Variants in CNTN4 observed in about 807,000 individuals in gnomAD.
The protein encoded by CNTN4 is contactin-4.
Under a neutral mutation model 122.5 loss-of-function variants are expected in CNTN4, and 77 were observed. That is an observed-to-expected ratio of 0.63 (90% CI 0.52 to 0.76). CNTN4 has a LOEUF of 0.76. Among genes scored for constraint, CNTN4 ranks in the 30% least tolerant of loss-of-function variants. The probability of loss-of-function intolerance (pLI) is 0.00; values close to 1 mark genes in which losing one functional copy is unlikely to be tolerated. For synonymous variants in CNTN4, 512 were observed against 447.0 expected, an observed-to-expected ratio of 1.15 and a Z score of -1.83; for missense variants, 1,256 against 1,259.1, an observed-to-expected ratio of 1.00 and a Z score of 0.04.
intron 7 of CNTN4, among the ~76,000 whole-genome samples, chr3:2,847,829 T>C (rs9840900): frequency 0.017 from 2,522 of 152,308 alleles, 70 homozygotes; most frequent in African/African-American, 0.057. Flanking sequence ...AATGCCAGTC[T>C]GTGCCAGTCT....
intron 6 of CNTN4, among the ~76,000 whole-genome samples, chr3:2,780,478 A>G (rs2091525924): frequency 6.6e-6 from 1 of 152,230 alleles, no homozygotes; most frequent in Non-Finnish European, 1.5e-5. Flanking sequence ...ACATAAGAAT[A>G]AAAGACTATA....
intron 4 of CNTN4, among the ~76,000 whole-genome samples, chr3:2,663,192 T>C (rs1292862667): frequency 1.3e-5 from 2 of 152,170 alleles, no homozygotes; most frequent in Admixed American, 1.3e-4. Flanking sequence ...ACTTTTTCAA[T>C]GATGGCGATT....
chr3:2,758,842 A>G (rs2090458877), intron 6 of CNTN4, among the ~76,000 whole-genome samples: 1 of 152,064 alleles, frequency 6.6e-6, no homozygotes, highest in Non-Finnish European at 1.5e-5. Context: ...CATCTTTGTT[A>G]AGATACCATA....
chr3:2,951,988 A>T (rs766725258), intron 13 of CNTN4, among the ~76,000 whole-genome samples: 3 of 152,214 alleles, frequency 2.0e-5, no homozygotes, highest in Non-Finnish European at 4.4e-5. Flanking sequence ...GGTGATTCCC[A>T]ACTCTATACC....
chr3:2,537,989 T>C (rs1443883249), intron 3 of CNTN4, among the ~76,000 whole-genome samples: 1 of 151,916 alleles, frequency 6.6e-6, no homozygotes, highest in Non-Finnish European at 1.5e-5. Context: ...TTTGAAGGCA[T>C]AACCCCCCTG....
intron 4 of CNTN4, among the ~76,000 whole-genome samples, chr3:2,707,614 A>G (rs1463321794): frequency 2.0e-5 from 3 of 150,604 alleles, no homozygotes; most frequent in Non-Finnish European, 4.4e-5. Flanking sequence ...ACTTAATTAA[A>G]TATTGTTTGA....
chr3:2,866,654 A>G, intron 7 of CNTN4, 98 bp from the exon 8 acceptor site: 1 of 1,282,004 alleles, frequency 7.8e-7, no homozygotes, highest in Non-Finnish European at 1.1e-6. Context: ...TCATTGGACA[A>G]CAATGTATAC....
intron 6 of CNTN4, among the ~76,000 whole-genome samples, chr3:2,770,031 G>GT (rs1204030725): frequency 1.5e-4 from 21 of 138,900 alleles, no homozygotes; most frequent in African/African-American, 4.9e-4. Context: ...TTGTTTGTTT[G>GT]TTTGTTTTTT....
intron 2 of CNTN4, among the ~76,000 whole-genome samples, chr3:2,307,451 A>T (rs1395575653): frequency 6.8e-6 from 1 of 147,494 alleles, no homozygotes; most frequent in Non-Finnish European, 1.5e-5. Flanking sequence ...AAAAAAAAAA[A>T]TAGCAAGACA....
intron 2 of CNTN4, among the ~76,000 whole-genome samples, chr3:2,202,078 C>G (rs2038122839): frequency 6.6e-6 from 1 of 152,116 alleles, no homozygotes; most frequent in Non-Finnish European, 1.5e-5. Context: ...TAGAAGGAGA[C>G]TTTCCTACAG....
chr3:2,571,690 G>C, intron 4 of CNTN4, 132 bp downstream of exon 4: 2 of 725,436 alleles, frequency 2.8e-6, no homozygotes, highest in East Asian at 5.3e-5. Flanking sequence ...AGCATTTGCT[G>C]ACACTGTTGA....
intron 8 of CNTN4, among the ~76,000 whole-genome samples, chr3:2,874,019 TGAG>T (rs1212749898): frequency 2.0e-5 from 3 of 152,342 alleles, no homozygotes; most frequent in East Asian, 1.9e-4. Context: ...ACATGTTTTA[TGAG>T]GAGAACATCT....
At chr3:2,770,179 G>A (rs985781774) in intron 6 of CNTN4, among the ~76,000 whole-genome samples, 8 of 152,088 alleles carry the variant, frequency 5.3e-5, no homozygotes, top group East Asian at 3.9e-4. Flanking sequence ...ACAGGCACGC[G>A]TCATCATGCC....
chr3:2,334,558 C>T (rs929604319), intron 2 of CNTN4, among the ~76,000 whole-genome samples: 3 of 80,432 alleles, frequency 3.7e-5, no homozygotes, highest in Admixed American at 2.9e-4. Context: ...TGGTTGAGTT[C>T]ATGCAGCAAA....
rs182500669 is a variant in CNTN4, at chr3:2,264,775, C to G, written c.-144-74403C>G. Reference sequence around the variant, plus strand: ...CAGGTCTTACATTTAAGTGTTTAATCCATTTTGAGTTAATTTTTTATATGG... The same window carrying G: ...CAGGTCTTACATTTAAGTGTTTAATGCATTTTGAGTTAATTTTTTATATGG... On this transcript the variant is annotated intron_variant, in intron 2 of 24. Coordinates refer to ENST00000418658, the MANE Select transcript of CNTN4 (RefSeq NM_175607.3). Among the ~76,000 whole-genome samples, 8 of 152,000 alleles carry G rather than the reference C, an allele frequency of 5.3e-5. 2 individuals are homozygous for G. Among genetic ancestry groups the G allele is most frequent in the African/African-American group, 1.9e-4 (8 of 41,474 alleles).
rs1234334638 is a variant in CNTN4 at position 2,773,762 on chromosome 3, C to CT, written c.358+28081dup. Among the ~76,000 whole-genome samples, 83 of 107,514 alleles carry CT rather than the reference C, an allele frequency of 7.7e-4. 1 individual carries two copies. The highest frequency in any genetic ancestry group is 2.4e-3 in the African/African-American group (68 of 28,800). 70.5% of individuals were successfully genotyped at this position (107,514 alleles called of 152,430 possible). A position where few individuals can be genotyped will look rare whatever the true frequency, so the allele number is the denominator to read the frequency against. On this transcript the variant is annotated intron_variant, in intron 6 of 24. Coordinates refer to ENST00000418658, the MANE Select transcript of CNTN4 (RefSeq NM_175607.3). ...GAAGCCTTCATCTCAATGTAGTAGA[C>CT]TTTTTTTTTTTTTTTTGAGACGGAG...
chr3:2,513,771 G>A (rs866984257), intron 3 of CNTN4, among the ~76,000 whole-genome samples: 1 of 152,084 alleles, frequency 6.6e-6, no homozygotes, highest in Non-Finnish European at 1.5e-5. Flanking sequence ...CTAGTTGTTT[G>A]CTTAATCTGC....
chr3:2,211,926 G>A (rs1180533756), intron 2 of CNTN4, among the ~76,000 whole-genome samples: 1 of 152,068 alleles, frequency 6.6e-6, no homozygotes, highest in African/African-American at 2.4e-5. Flanking sequence ...TTTGCATTTA[G>A]CTCAGTACAG....
chr3:2,430,066 A>T (rs2048005191), intron 3 of CNTN4, among the ~76,000 whole-genome samples: 1 of 152,010 alleles, frequency 6.6e-6, no homozygotes, highest in Admixed American at 6.6e-5. Context: ...CATGGGCTGC[A>T]CCTACTGTCC....
Sources: gnomAD v4.1 joint callset for allele counts (sites outside exome capture counted in the v4.1 genomes callset) on GRCh38, gnomAD v4.1.1 for gene constraint, MANE v1.5 for transcripts, NCBI Gene and HGNC (gene_info 2026-07-23, HGNC 2026-07-21) for gene names.